GALNTL6: variants seen among roughly 807,000 people sequenced by gnomAD.
GALNTL6 encodes polypeptide N-acetylgalactosaminyltransferase-like 6.
GALNTL6 carries 46 observed loss-of-function variants against 73.7 expected under a neutral mutation model. That is an observed-to-expected ratio of 0.62 (90% CI 0.49 to 0.80). GALNTL6 has a LOEUF of 0.80. GALNTL6 is among the 30% of genes least tolerant of loss of function. The pLI, the probability that GALNTL6 is intolerant of heterozygous loss-of-function variation, is 0.00. For missense variants in GALNTL6, 604 were observed against 755.0 expected (o/e 0.80, Z 2.34); for synonymous variants, 259 against 263.7 (o/e 0.98, Z 0.17).
intron 12 of GALNTL6, among the ~76,000 whole-genome samples, chr4:173,035,503 A>G (rs1258154788): frequency 6.6e-6 from 1 of 152,150 alleles, no homozygotes; most frequent in Non-Finnish European, 1.5e-5. Flanking sequence ...TTGTTTACCT[A>G]TTGGTCTCCC....
chr4:172,106,838 A>G (rs1275118389), intron 2 of GALNTL6, among the ~76,000 whole-genome samples: 2 of 152,132 alleles, frequency 1.3e-5, no homozygotes, highest in Admixed American at 6.5e-5. Context: ...TAAGAATATT[A>G]TTTTGTTAAA....
chr4:172,475,670 G>A (rs1733205756), intron 5 of GALNTL6, among the ~76,000 whole-genome samples: 1 of 152,086 alleles, frequency 6.6e-6, no homozygotes, highest in African/African-American at 2.4e-5. Context: ...TATCCTATAA[G>A]GGATCTGAAT....
chr4:172,301,782 G>T (rs1188058069), intron 3 of GALNTL6, among the ~76,000 whole-genome samples: 2 of 152,184 alleles, frequency 1.3e-5, no homozygotes, highest in African/African-American at 4.8e-5. Flanking sequence ...GCCCCTACTG[G>T]GGGGTGCCTC....
intron 5 of GALNTL6, among the ~76,000 whole-genome samples, chr4:172,372,134 G>A (rs148361238): frequency 2.4e-4 from 37 of 152,230 alleles, no homozygotes; most frequent in African/African-American, 7.9e-4. Context: ...CCTACCCTTC[G>A]TATCCTATTC....
chr4:172,138,494 TATATATATATATATATATA>T (rs1452166489), intron 2 of GALNTL6, among the ~76,000 whole-genome samples: 2 of 8,492 alleles, frequency 2.4e-4, no homozygotes, highest in Non-Finnish European at 3.6e-4. Flanking sequence ...TATATATATA[TATATATATATATATATATA>T]TTTTTTTTTT....
intron 5 of GALNTL6, among the ~76,000 whole-genome samples, chr4:172,605,457 A>G (rs185642706): frequency 1.3e-5 from 2 of 152,328 alleles, no homozygotes; most frequent in African/African-American, 4.8e-5. Flanking sequence ...GGGCATATAC[A>G]TATTTTCAAC....
intron 2 of GALNTL6, among the ~76,000 whole-genome samples, chr4:171,912,211 G>GTTC: frequency 6.6e-6 from 1 of 152,162 alleles, no homozygotes; most frequent in South Asian, 2.1e-4. Flanking sequence ...ATAGACTGTG[G>GTTC]TTCTACAGGT....
intron 2 of GALNTL6, among the ~76,000 whole-genome samples, chr4:171,839,190 GT>G (rs1255195762): frequency 2.0e-4 from 31 of 152,096 alleles, no homozygotes; most frequent in African/African-American, 7.0e-4. Flanking sequence ...ATCACAGGAA[GT>G]AAGTAAAGAG....
intron 5 of GALNTL6, among the ~76,000 whole-genome samples, chr4:172,773,918 C>A (rs955313565): frequency 1.3e-5 from 2 of 151,938 alleles, no homozygotes; most frequent in African/African-American, 4.8e-5. Context: ...AGAATTGAAG[C>A]TTCCTGTACA....
At chr4:172,089,806 C>A (rs553727836) in intron 2 of GALNTL6, among the ~76,000 whole-genome samples, 3 of 152,262 alleles carry the variant, frequency 2.0e-5, no homozygotes, top group African/African-American at 7.2e-5. Context: ...CACCCATCAA[C>A]CCATCATCTA....
At chr4:172,055,056 C>T (rs926095379) in intron 2 of GALNTL6, among the ~76,000 whole-genome samples, 1 of 152,120 alleles carries the variant, frequency 6.6e-6, no homozygotes, top group African/African-American at 2.4e-5. Flanking sequence ...TGCATGGAGA[C>T]ACACCCAAAT....
chr4:172,516,258 T>A (rs1434977907), intron 5 of GALNTL6, among the ~76,000 whole-genome samples: 1 of 152,186 alleles, frequency 6.6e-6, no homozygotes, highest in East Asian at 1.9e-4. Flanking sequence ...CTAGACCTAC[T>A]GAACCAGAAT....
chr4:172,851,606 G>A (rs1743822831), intron 7 of GALNTL6, among the ~76,000 whole-genome samples: 1 of 152,078 alleles, frequency 6.6e-6, no homozygotes, highest in Non-Finnish European at 1.5e-5. Context: ...GGACAGGTAT[G>A]GCCACAAGCC....
At chr4:172,893,146 C>A (rs1354175895) in intron 8 of GALNTL6, among the ~76,000 whole-genome samples, 1 of 152,188 alleles carries the variant, frequency 6.6e-6, no homozygotes, top group Non-Finnish European at 1.5e-5. Context: ...GCCTGACCAG[C>A]TAGGCTTGTC....
At chr4:172,696,371 A>G (rs766746237) in intron 5 of GALNTL6, among the ~76,000 whole-genome samples, 1 of 152,192 alleles carries the variant, frequency 6.6e-6, no homozygotes, top group African/African-American at 2.4e-5. Flanking sequence ...CCCATAAAAG[A>G]TATCAGCTTT....
intron 5 of GALNTL6, among the ~76,000 whole-genome samples, chr4:172,352,394 G>A (rs1017731790): frequency 6.6e-6 from 1 of 152,114 alleles, no homozygotes; most frequent in African/African-American, 2.4e-5. Context: ...ACTGTGTTTT[G>A]CTATCTGAAG....
chr4:172,606,601 T>TAGTATATGTATATATATAC (rs1738286503), intron 5 of GALNTL6, among the ~76,000 whole-genome samples: 1 of 106,124 alleles, frequency 9.4e-6, no homozygotes, highest in African/African-American at 3.4e-5. Flanking sequence ...TACACATATA[T>TAGTATATGTATATATATAC]ACATATATAC....
chr4:172,801,536 C>A (rs983219817), intron 5 of GALNTL6, among the ~76,000 whole-genome samples: 5 of 152,044 alleles, frequency 3.3e-5, no homozygotes, highest in Non-Finnish European at 5.9e-5. Flanking sequence ...GATATATGAG[C>A]CTTTTATAGA....
At chr4:172,352,614 A>T (rs754646242) in intron 5 of GALNTL6, among the ~76,000 whole-genome samples, 2 of 152,140 alleles carry the variant, frequency 1.3e-5, no homozygotes, top group Non-Finnish European at 1.5e-5. Flanking sequence ...GCTTAACCTC[A>T]GAGATAGGGT....
Sources: gnomAD v4.1 joint callset for allele counts (sites outside exome capture counted in the v4.1 genomes callset) on GRCh38, gnomAD v4.1.1 for gene constraint, MANE v1.5 for transcripts, NCBI Gene and HGNC (gene_info 2026-07-23, HGNC 2026-07-21) for gene names.